KIAA1549L: variants seen among roughly 807,000 people sequenced by gnomAD.
The protein encoded by KIAA1549L is UPF0606 protein KIAA1549L.
In KIAA1549L, 88 loss-of-function variants were observed where a neutral mutation model predicts 160.7. The observed-to-expected ratio is 0.55, with a 90% CI of 0.46 to 0.65. The LOEUF (loss-of-function observed/expected upper bound fraction) is 0.65. Among genes scored for constraint, KIAA1549L ranks in the 30% least tolerant of loss-of-function variants. The pLI is 0.00. For synonymous variants in KIAA1549L, 950 were observed against 976.7 expected, an observed-to-expected ratio of 0.97 and a Z score of 0.51; for missense variants, 2,258 against 2,437.5, an observed-to-expected ratio of 0.93 and a Z score of 1.55.
chr11:33,576,566 G>A (rs1466928204), intron 10 of KIAA1549L, among the ~76,000 whole-genome samples: 1 of 152,138 alleles, frequency 6.6e-6, no homozygotes, highest in East Asian at 1.9e-4. Flanking sequence ...ATAAATCATA[G>A]AGGACAGGAG....
intron 13 of KIAA1549L, among the ~76,000 whole-genome samples, chr11:33,600,295 T>A (rs1850321619): frequency 6.6e-6 from 1 of 152,162 alleles, no homozygotes; most frequent in Admixed American, 6.5e-5. Flanking sequence ...TGCCATCAGC[T>A]CTATCGAGTG....
At position 33,415,703 on chromosome 11, in the gene KIAA1549L, G is replaced by A. The variant is rs548472075; in HGVS notation, c.238+38814G>A. On this transcript the variant is annotated intron_variant, in intron 1 of 20. Coordinates refer to ENST00000658780, the MANE Select transcript of KIAA1549L (RefSeq NM_012194.3). ...ACATGGCAAGTCAGAGCCCAAGATG[G>A]GACCCTTATATCCTTGAGCTTTTTT... 3.9e-5 allele frequency among the ~76,000 whole-genome samples: 6 copies of A among 152,232 alleles called. No homozygotes were observed. The South Asian group carries it at 1.2e-3, about 32-fold the overall frequency.
chr11:33,588,831 G>A (rs986876386), intron 11 of KIAA1549L, among the ~76,000 whole-genome samples: 8 of 152,300 alleles, frequency 5.3e-5, no homozygotes, highest in African/African-American at 1.9e-4. Context: ...GAGAAGAGAA[G>A]GGGGTGATTA....
intron 13 of KIAA1549L, among the ~76,000 whole-genome samples, chr11:33,604,956 A>G (rs1850459187): frequency 6.6e-6 from 1 of 152,238 alleles, no homozygotes; most frequent in African/African-American, 2.4e-5. Flanking sequence ...TGAAGTTTAA[A>G]AAAGAGAAAA....
In KIAA1549L at chr11:33,543,460, C is replaced by A; in HGVS notation, c.1897C>A (p.Gln633Lys). The A allele has an allele frequency of 6.2e-7, 1 of 1,614,058 alleles. No homozygotes were observed. The highest frequency in any genetic ancestry group is 8.5e-7 in the Non-Finnish European group (1 of 1,179,900). ...ACCTCTACCTTCCATACTCTCCATA[C>A]AAGCCACCCAGACTGTTTTCCCATC... ...GPPLPSILSI[Q>K]ATQTVFPSLG... The change falls in exon 2 of 21, where the codon CAA becomes AAA. Residue 633 changes from glutamine (Q) to lysine (K), a missense_variant. Around this residue, in one of 6 missense-constraint regions of KIAA1549L, gnomAD observed 20 missense variants for 23.2 expected, o/e 0.86. Transcript: ENST00000658780.
chr11:33,470,922 T>C (rs1168618305), intron 1 of KIAA1549L, among the ~76,000 whole-genome samples: 1 of 152,198 alleles, frequency 6.6e-6, no homozygotes, highest in African/African-American at 2.4e-5. Flanking sequence ...AAGTAGGCAG[T>C]GTTGGTGAAT....
At chr11:33,608,009 C>T (rs995155562) in intron 14 of KIAA1549L, among the ~76,000 whole-genome samples, 3 of 152,200 alleles carry the variant, frequency 2.0e-5, no homozygotes, top group African/African-American at 7.2e-5. Flanking sequence ...TGGTGACAGC[C>T]ATGAGGTTGA....
intron 1 of KIAA1549L, among the ~76,000 whole-genome samples, chr11:33,463,279 C>T (rs1851980230): frequency 6.6e-6 from 1 of 152,164 alleles, no homozygotes; most frequent in Non-Finnish European, 1.5e-5. Context: ...TCCCAGGAAG[C>T]ATAGTCATCC....
intron 1 of KIAA1549L, among the ~76,000 whole-genome samples, chr11:33,415,623 T>C (rs1850872821): frequency 6.6e-6 from 1 of 152,114 alleles, no homozygotes; most frequent in Non-Finnish European, 1.5e-5. Flanking sequence ...CTGTGTCCTC[T>C]TCTTGGTCTG....
intron 15 of KIAA1549L, among the ~76,000 whole-genome samples, chr11:33,617,551 C>A (rs1297344158): frequency 6.6e-6 from 1 of 152,172 alleles, no homozygotes; most frequent in African/African-American, 2.4e-5. Flanking sequence ...ATTGTCACCT[C>A]CCCAGAGAGG....
rs1850880560 is a variant in KIAA1549L at position 33,618,596 on chromosome 11, A to G, written c.5343A>G (p.Glu1781=). 1 of 1,610,852 alleles carries G rather than the reference A, an allele frequency of 6.2e-7. No individual in the cohort carries two copies. The highest frequency in any genetic ancestry group is 1.3e-5 in the African/African-American group (1 of 74,898). Residue 1781 remains glutamate, a synonymous_variant, in exon 16 of 21, where the codon GAA becomes GAG. Transcript: ENST00000658780. ...CTCTGAACAGCCCGAGTCCAGGGGA[A>G]ACCGAGATGGACCTTCTGGTGACTC... The part of the protein sequence containing the change: ...RQSLNSPSPG[E]TEMDLLVTRE...
chr11:33,460,137 G>A (rs866125955), intron 1 of KIAA1549L, among the ~76,000 whole-genome samples: 42 of 152,046 alleles, frequency 2.8e-4, no homozygotes, highest in African/African-American at 8.2e-4. Flanking sequence ...ACTGTCCATG[G>A]CTGTCTTGGA....
At chr11:33,487,402 CTTTTTTTT>C (rs112165825) in intron 1 of KIAA1549L, among the ~76,000 whole-genome samples, 2 of 85,554 alleles carry the variant, frequency 2.3e-5, no homozygotes, top group African/African-American at 4.6e-5. Context: ...GTCTATTGTT[CTTTTTTTT>C]TTTTTTTTTT....
chr11:33,491,133 G>T (rs1852648204), intron 1 of KIAA1549L, among the ~76,000 whole-genome samples: 1 of 152,180 alleles, frequency 6.6e-6, no homozygotes, highest in Non-Finnish European at 1.5e-5. Context: ...CTTAGTGCCT[G>T]ATTCATAAGT....
At chr11:33,590,535 G>T (rs1243263299) in intron 11 of KIAA1549L, among the ~76,000 whole-genome samples, 1 of 152,168 alleles carries the variant, frequency 6.6e-6, no homozygotes, top group Non-Finnish European at 1.5e-5. Context: ...CAGATGCTGT[G>T]CAATAAAACT....
Position 33,544,834 on chromosome 11 carries a change from A to C in KIAA1549L, c.2841A>C (p.Ser947=). Reference sequence around the variant, plus strand: ...CCGTCACATTGTTTCTGAGGAAATCAAGTCCACCTGCACTGTCTGCAGCCC... The same window carrying C: ...CCGTCACATTGTTTCTGAGGAAATCCAGTCCACCTGCACTGTCTGCAGCCC... ...AAAVTLFLRK[S]SPPALSAALV... is the part of the protein sequence containing the mutation. Residue 947 remains serine, a synonymous_variant, in exon 3 of 21, where the codon TCA becomes TCC. Transcript: ENST00000658780. 6.2e-7 allele frequency: 1 copy of C among 1,612,680 alleles called. No homozygotes were observed. Among genetic ancestry groups the C allele is most frequent in the Non-Finnish European group, 8.5e-7 (1 of 1,178,876 alleles).
rs75805204 is a variant in KIAA1549L at position 33,506,191 on chromosome 11, G to A, written c.239-35611G>A. Among the ~76,000 whole-genome samples the A allele has an allele frequency of 8.5e-5, 13 of 152,324 alleles. No individual in the cohort carries two copies. In the East Asian group the frequency reaches 2.3e-3, roughly 27 times the overall value. ...AGGTTCTGGAAAGAGCTCTGCACCT[G>A]AAGTTAGGAAACTGGAGTGGGCCCT... On this transcript the variant is annotated intron_variant, in intron 1 of 20. Transcript: ENST00000658780.
intron 12 of KIAA1549L, among the ~76,000 whole-genome samples, chr11:33,597,718 G>A (rs554742150): frequency 3.9e-5 from 6 of 152,128 alleles, no homozygotes; most frequent in African/African-American, 1.2e-4. Context: ...TGAGAGTCCC[G>A]CCCTGAGGAA....
chr11:33,407,030 C>T (rs1288525676), intron 1 of KIAA1549L, among the ~76,000 whole-genome samples: 1 of 149,294 alleles, frequency 6.7e-6, no homozygotes, highest in Non-Finnish European at 1.5e-5. Flanking sequence ...TGTTCCTGTT[C>T]TTCATAGGTC....
Sources: allele counts gnomAD v4.1 joint callset (sites outside exome capture counted in the v4.1 genomes callset), GRCh38; gene constraint gnomAD v4.1.1; regional missense constraint gnomAD v4.1.1; transcripts MANE v1.5; gene names NCBI Gene and HGNC (gene_info 2026-07-23, HGNC 2026-07-21).